DOCK11: variants seen among roughly 807,000 people sequenced by gnomAD.
DOCK11 encodes dedicator of cytokinesis protein 11.
DOCK11 carries 70 observed loss-of-function variants against 169.1 expected under a neutral mutation model. That is an observed-to-expected ratio of 0.41 (90% CI 0.34 to 0.51). The LOEUF is 0.51. Among genes scored for constraint, DOCK11 ranks in the 20% least tolerant of loss-of-function variants. The probability of loss-of-function intolerance (pLI) is 0.10; values close to 1 mark genes in which losing one functional copy is unlikely to be tolerated. For missense variants in DOCK11, 1,166 were observed against 1,538.8 expected, an observed-to-expected ratio of 0.76 and a Z score of 4.05; for synonymous variants, 529 against 541.3, an observed-to-expected ratio of 0.98 and a Z score of 0.32.
chrX:118,607,439 T>TTTAG (rs2014557014), intron 24 of DOCK11, among the ~76,000 whole-genome samples: 9 of 92,496 alleles, frequency 9.7e-5, no homozygotes, highest in East Asian at 3.4e-4. Context: ...TTTTTTTTTT[T>TTTAG]GAGACAGAGT....
intron 41 of DOCK11, among the ~76,000 whole-genome samples, chrX:118,649,723 C>T (rs2015902219): frequency 9.1e-6 from 1 of 110,419 alleles, no homozygotes; most frequent in Non-Finnish European, 1.9e-5. Context: ...CCATGTTGGC[C>T]AGGCTGGTCT....
rs2014618469 is a variant in DOCK11, at chrX:118,609,294, T to C, written c.2894T>C (p.Phe965Ser). Residue 965 changes from phenylalanine to serine, a missense_variant, in exon 27 of 53, where the codon TTT (phenylalanine) becomes TCT (serine). By Grantham distance (155) the Phe-to-Ser change is radical. Coordinates refer to ENST00000276202, the MANE Select transcript of DOCK11 (RefSeq NM_144658.4). ...TTTTTTCAGTACTCATGGTTTTTCT[T>C]TGAAATAATTGCAAAGTCAATGGCC... ...NKLLKYSWFF[F>S]EIIAKSMATY... is the part of the protein sequence containing the mutation. 1 of 1,198,386 alleles carries C rather than the reference T, an allele frequency of 8.3e-7. No individual in the cohort carries two copies. The highest frequency in any genetic ancestry group is 3.0e-5 in the East Asian group (1 of 33,569).
intron 1 of DOCK11, among the ~76,000 whole-genome samples, chrX:118,532,547 G>A (rs1166098547): frequency 1.8e-5 from 2 of 109,318 alleles, no homozygotes; most frequent in African/African-American, 6.7e-5. Context: ...TTGGGAGGCC[G>A]AGGCGGGTGG....
In DOCK11 at chrX:118,521,874, TA is replaced by T. The variant is rs1002344001; in HGVS notation, c.103-20843del. ...AGTGTGTTTCTATACTAGAATGTGG[TA>T]AAAAAAACATTTCTAAAACTTGAAA... On this transcript the variant is annotated intron_variant, in intron 1 of 52. Transcript: ENST00000276202. Among the ~76,000 whole-genome samples, 63 of 111,456 alleles carry T rather than the reference TA, an allele frequency of 5.7e-4. No homozygotes were observed. In the East Asian group the frequency reaches 0.016, roughly 29 times the overall value.
intron 16 of DOCK11, among the ~76,000 whole-genome samples, chrX:118,586,359 A>C (rs1165064239): frequency 9.0e-6 from 1 of 111,402 alleles, no homozygotes; most frequent in Non-Finnish European, 1.9e-5. Flanking sequence ...AAATCGTGGC[A>C]GAAGGGGAAG....
Position 118,676,592 on chromosome X carries a change from C to G in DOCK11, c.5315C>G (p.Ser1772Cys). ...TFFRVAFYGQ[S>C]FFEEEDGKEY... ...ATTATTTGTTTAACTTTATAATAGT[C>G]TTTTTTTGAAGAAGAAGATGGAAAG... is the stretch of plus-strand genomic sequence containing the variant. The change falls in exon 48 of 53, where the codon TCT (serine) becomes TGT (cysteine). Residue 1772 changes from serine to cysteine, a missense_variant and splice_region_variant. Ser to Cys is a moderately radical substitution (Grantham distance 112). Transcript: ENST00000276202. 8.9e-7 allele frequency: 1 copy of G among 1,117,998 alleles called. No homozygotes were observed. The highest frequency in any genetic ancestry group is 1.2e-6 in the Non-Finnish European group (1 of 836,655). The allele number at this position is 1,117,998 out of a possible 1,213,427, so 92.1% of individuals were successfully genotyped here.
At chrX:118,574,184 C>G (rs1451401948) in intron 12 of DOCK11, among the ~76,000 whole-genome samples, 166 bp downstream of exon 12, 1 of 112,043 alleles carries the variant, frequency 8.9e-6, no homozygotes, top group African/African-American at 3.2e-5. Context: ...AAAATGGAAA[C>G]CAATGAACAT....
At chrX:118,527,510 G>A (rs1346483506) in intron 1 of DOCK11, among the ~76,000 whole-genome samples, 2 of 111,780 alleles carry the variant, frequency 1.8e-5, no homozygotes, top group Non-Finnish European at 3.8e-5. Context: ...TGGGAACACC[G>A]TAACTGCTAG....
At chrX:118,667,128 T>C (rs777055149) in intron 45 of DOCK11, among the ~76,000 whole-genome samples, 1 of 112,149 alleles carries the variant, frequency 8.9e-6, no homozygotes. Flanking sequence ...TCAAGATATA[T>C]GTGCTGTATA....
intron 34 of DOCK11, 100 bp from the exon 35 acceptor site, chrX:118,630,279 G>C: frequency 2.0e-6 from 1 of 490,245 alleles, no homozygotes; most frequent in Non-Finnish European, 3.5e-6. Context: ...TTTATGTTTA[G>C]AATTTTCCCA....
At chrX:118,603,838 G>A (rs1178140060) in intron 23 of DOCK11, among the ~76,000 whole-genome samples, 1 of 112,079 alleles carries the variant, frequency 8.9e-6, no homozygotes, top group Non-Finnish European at 1.9e-5. Context: ...ACGATGAACA[G>A]ACACAAAGGC....
intron 45 of DOCK11, among the ~76,000 whole-genome samples, chrX:118,669,840 G>T (rs1045960606): frequency 9.0e-6 from 1 of 111,506 alleles, no homozygotes. Flanking sequence ...AGCCTTCTTT[G>T]TCTTCTGGTG....
chrX:118,605,324 C>A lies in DOCK11; in HGVS notation c.2649C>A (p.Thr883=). The A allele has an allele frequency of 2.5e-6, 3 of 1,194,966 alleles. No individual in the cohort carries two copies. In the South Asian group the frequency reaches 5.5e-5, roughly 22 times the overall value. The change falls in exon 24 of 53, where the codon ACC becomes ACA. Residue 883 remains threonine (T), a synonymous_variant. Transcript: ENST00000276202. ...MQLFRVLTNM[T]HEDDVPINCT... is the part of the protein sequence containing the mutation. ...TCTTCCGAGTTCTCACAAATATGAC[C>A]CATGAAGATGACGTTCCTATCAACT... is the stretch of plus-strand genomic sequence containing the variant.
chrX:118,685,330 G>A (rs1216475072), intron 52 of DOCK11, among the ~76,000 whole-genome samples: 1 of 112,310 alleles, frequency 8.9e-6, no homozygotes, highest in Non-Finnish European at 1.9e-5. Flanking sequence ...GAACCACTGT[G>A]TTAGATCATT....
chrX:118,498,461 G>A (rs1204061142), intron 1 of DOCK11, among the ~76,000 whole-genome samples: 1 of 112,501 alleles, frequency 8.9e-6, no homozygotes, highest in Non-Finnish European at 1.9e-5. Context: ...TACATGGAAT[G>A]TATGCTCCTA....
At chrX:118,593,423 C>A in intron 20 of DOCK11, 86 bp downstream of exon 20, 1 of 933,458 alleles carries the variant, frequency 1.1e-6, no homozygotes, top group Non-Finnish European at 1.4e-6. Flanking sequence ...AAGCTATAGA[C>A]CACTTCTCCC....
At chrX:118,621,306 T>A (rs2147478821) in intron 31 of DOCK11, among the ~76,000 whole-genome samples, 1 of 111,930 alleles carries the variant, frequency 8.9e-6, no homozygotes, top group East Asian at 2.8e-4. Context: ...CCTTTGTCTG[T>A]TTTGTGCAGT....
chrX:118,655,583 A>G (rs2016046841), intron 44 of DOCK11, among the ~76,000 whole-genome samples: 1 of 112,086 alleles, frequency 8.9e-6, no homozygotes, highest in Non-Finnish European at 1.9e-5. Context: ...GCAGCCCTGG[A>G]TTCCTAATTT....
chrX:118,557,591 C>T (rs1051157932), intron 6 of DOCK11, among the ~76,000 whole-genome samples: 1 of 107,750 alleles, frequency 9.3e-6, no homozygotes, highest in African/African-American at 3.4e-5. Flanking sequence ...TGGTGAAACC[C>T]CGTCTCTACT....
Sources: allele counts gnomAD v4.1 joint callset (sites outside exome capture counted in the v4.1 genomes callset), GRCh38; gene constraint gnomAD v4.1.1; transcripts MANE v1.5; gene names NCBI Gene and HGNC (gene_info 2026-07-23, HGNC 2026-07-21).